Variants in ITGB4 observed in about 807,000 individuals in gnomAD.
The protein encoded by ITGB4 is integrin subunit beta 4.
ITGB4 carries 159 observed loss-of-function variants against 207.6 expected under a neutral mutation model. The observed-to-expected ratio is 0.77, with a 90% CI of 0.67 to 0.87. The LOEUF is 0.87. Among genes scored for constraint, ITGB4 ranks in the 40% least tolerant of loss-of-function variants. The pLI is 0.00. For missense variants in ITGB4, 2,278 were observed against 2,546.8 expected (o/e 0.89, Z 2.27); for synonymous variants, 1,020 against 1,062.7 (o/e 0.96, Z 0.78).
intron 12 of ITGB4, 102 bp from the exon 13 acceptor site, chr17:75,733,385 CAAA>C: frequency 1.2e-6 from 1 of 810,540 alleles, no homozygotes; most frequent in Non-Finnish European, 1.8e-6. Flanking sequence ...GACTCCGTCT[CAAA>C]AAAAAAAATA....
intron 26 of ITGB4, among the ~76,000 whole-genome samples, chr17:75,744,399 C>T (rs966436731): frequency 1.3e-5 from 2 of 150,790 alleles, no homozygotes; most frequent in East Asian, 2.0e-4. Context: ...GGATTACAGG[C>T]GTGAGCCACC....
intron 32 of ITGB4, 69 bp from the exon 33 acceptor site, chr17:75,753,696 T>C: frequency 1.8e-6 from 2 of 1,097,602 alleles, no homozygotes; most frequent in Non-Finnish European, 1.2e-6. Context: ...CCTACGGCCT[T>C]CCCCCGCCTG....
In ITGB4 at chr17:75,740,645, G is replaced by A; in HGVS notation, c.2551-148G>A. ...TCCAGAGGGCAGAAGGCCAGAGCCT[G>A]GGCCCAGGATGCTGCCCCACGGGGC... On this transcript the variant is annotated intron_variant, in intron 21 of 39. Coordinates refer to ENST00000200181, the MANE Select transcript of ITGB4 (RefSeq NM_000213.5). The surrounding 1 kb of genome is among the most constrained non-coding windows in gnomAD (Gnocchi z 5.9). The A allele has an allele frequency of 9.7e-7, 1 of 1,032,870 alleles. No individual in the cohort carries two copies. Among genetic ancestry groups the A allele is most frequent in the Non-Finnish European group, 1.5e-6 (1 of 671,640 alleles). 64.0% of individuals were successfully genotyped at this position (1,032,870 alleles called of 1,614,324 possible).
chr17:75,741,101 C>A, intron 23 of ITGB4, 96 bp downstream of exon 23: 1 of 1,391,940 alleles, frequency 7.2e-7, no homozygotes, highest in Non-Finnish European at 1.0e-6. Flanking sequence ...CATCTCCATC[C>A]CATAGGAAGG....
chr17:75,752,049 TTTGCC>T, intron 30 of ITGB4, 120 bp from the exon 31 acceptor site: 1 of 1,051,570 alleles, frequency 9.5e-7, no homozygotes, highest in Non-Finnish European at 1.5e-6. Flanking sequence ...AGTGGCTGGC[TTTGCC>T]TTGCTTCCCC....
At position 75,739,599 on chromosome 17, in the gene ITGB4, G is replaced by A. The variant is rs960655619; in HGVS notation, c.2221-73G>A. 1.7e-5 allele frequency: 27 copies of A among 1,547,536 alleles called. No individual in the cohort carries two copies. The highest frequency in any genetic ancestry group is 2.7e-5 in the African/African-American group (2 of 73,554). Reference sequence around the variant, plus strand: ...CCCCTCTTGACCATTGGCATGGGGCGGGGTGGCTGGAAGGGCTTACCTGGG... The same window carrying A: ...CCCCTCTTGACCATTGGCATGGGGCAGGGTGGCTGGAAGGGCTTACCTGGG... On this transcript the variant is annotated intron_variant, in intron 18 of 39. Transcript: ENST00000200181. This position sits in a 1 kb window ranked among gnomAD's most constrained non-coding sequence, Gnocchi z 5.4.
rs1020362694 is a variant in ITGB4, at chr17:75,722,757, C to G, written c.-11+1145C>G. Among the ~76,000 whole-genome samples, 30 of 135,164 alleles carry G rather than the reference C, an allele frequency of 2.2e-4. No homozygotes were observed. The highest frequency in any genetic ancestry group is 1.1e-3 in the Admixed American group (15 of 13,768). 88.7% of individuals were successfully genotyped at this position (135,164 alleles called of 152,430 possible). A position where few individuals can be genotyped will look rare whatever the true frequency, so the allele number is the denominator to read the frequency against. ...GAGCCTGTGGGTGGGTGGGCATGGCCTGTGTGTGTGTGTGTGTGTGTGTGT... is the reference window on the plus strand; with the variant it reads ...GAGCCTGTGGGTGGGTGGGCATGGCGTGTGTGTGTGTGTGTGTGTGTGTGT... On this transcript the variant is annotated intron_variant, in intron 1 of 39. Coordinates refer to ENST00000200181, the MANE Select transcript of ITGB4 (RefSeq NM_000213.5). The surrounding 1 kb of genome is among the most constrained non-coding windows in gnomAD (Gnocchi z 6.2).
intron 34 of ITGB4, chr17:75,755,154 G>A (rs751866424): frequency 1.9e-6 from 3 of 1,611,774 alleles, no homozygotes; most frequent in East Asian, 4.5e-5. Flanking sequence ...CCCCCTTCCA[G>A]GGGCCCACGA....
chr17:75,755,910 G>T, intron 35 of ITGB4, 60 bp downstream of exon 35: 1 of 1,559,820 alleles, frequency 6.4e-7, no homozygotes, highest in South Asian at 1.1e-5. Flanking sequence ...GCCCCAGTGT[G>T]ACACATAGGG....
chr17:75,741,839 T>A (rs919891136), intron 23 of ITGB4, among the ~76,000 whole-genome samples: 1 of 151,872 alleles, frequency 6.6e-6, no homozygotes, highest in Non-Finnish European at 1.5e-5. Flanking sequence ...GACCAGCATT[T>A]CTTATCCTGC....
intron 32 of ITGB4, 25 bp from the exon 33 acceptor site, chr17:75,753,740 A>G: frequency 7.2e-7 from 1 of 1,387,162 alleles, no homozygotes. Context: ...CGGCGGTGCC[A>G]ACGCGGCCCT....
Position 75,742,832 on chromosome 17 carries a change from G to A in ITGB4, c.2962+71G>A. 6.8e-7 allele frequency: 1 copy of A among 1,460,458 alleles called. No homozygotes were observed. Among genetic ancestry groups the A allele is most frequent in the Non-Finnish European group, 9.3e-7 (1 of 1,076,456 alleles). The allele number at this position is 1,460,458 out of a possible 1,614,324, so 90.5% of individuals were successfully genotyped here. A position where few individuals can be genotyped will look rare whatever the true frequency, so the allele number is the denominator to read the frequency against. ...GGCACTGGTTCCTCCTGCTTAAGTG[G>A]AATTGCGACCTGGCCACGTGGCCTG... On this transcript the variant is annotated intron_variant, in intron 25 of 39. Coordinates refer to ENST00000200181, the MANE Select transcript of ITGB4 (RefSeq NM_000213.5). The surrounding 1 kb of genome is among the most constrained non-coding windows in gnomAD (Gnocchi z 5.9).
rs1172323916 is a variant in ITGB4, at chr17:75,750,587, A to C, written c.3475-93A>C. On this transcript the variant is annotated intron_variant, in intron 28 of 39. Coordinates refer to ENST00000200181, the MANE Select transcript of ITGB4 (RefSeq NM_000213.5). The surrounding 1 kb of genome is among the most constrained non-coding windows in gnomAD (Gnocchi z 5.5). ...CCCCTCCCTCGGGCCTCATCTGTGC[A>C]AAGAGGACAGTAAGGGCAGAGGTCA... The C allele has an allele frequency of 2.5e-6, 3 of 1,176,558 alleles. No individual in the cohort carries two copies. The Admixed American group carries it at 5.8e-5, about 23-fold the overall frequency. The allele number at this position is 1,176,558 out of a possible 1,614,324, so 72.9% of individuals were successfully genotyped here. A position where few individuals can be genotyped will look rare whatever the true frequency, so the allele number is the denominator to read the frequency against.
Position 75,753,875 on chromosome 17 carries a change from T to C in ITGB4, c.4219T>C (p.Ser1407Pro). 2.2e-6 allele frequency: 3 copies of C among 1,339,764 alleles called. No homozygotes were observed. Among genetic ancestry groups the C allele is most frequent in the Middle Eastern group, 2.7e-4 (1 of 3,664 alleles). The allele number at this position is 1,339,764 out of a possible 1,614,324, so 83.0% of individuals were successfully genotyped here. The change falls in exon 33 of 40, where the codon TCC becomes CCC. Residue 1407 changes from serine to proline, a missense_variant. Physicochemically the swap from Ser to Pro is moderately conservative, Grantham distance 74 (BLOSUM62 -1). Transcript: ENST00000200181. ...GCGCCTGTCGGCCAGCAGCGGGCGC[T>C]CCTCCGACGCCGAGGCGCCCCACGG... ...IPRLSASSGR[S>P]SDAEAPHGPP...
Position 75,733,700 on chromosome 17 carries a change from C to T in ITGB4, c.1657+8C>T, listed in dbSNP as rs916722609. 3.7e-6 allele frequency: 6 copies of T among 1,613,456 alleles called. No individual in the cohort carries two copies. The highest frequency in any genetic ancestry group is 4.2e-6 in the Non-Finnish European group (5 of 1,179,732). ...CCGGGTTCCTCTGCAATGGTGAGCA[C>T]AACAACTGCGGCCAATGCTGATGGC... On this transcript the variant is annotated splice_region_variant and intron_variant, in intron 13 of 39. Transcript: ENST00000200181.
chr17:75,735,402 T>TTTTTC lies in ITGB4; in HGVS notation c.1658-639_1658-635dup, dbSNP rs1179221558. Among the ~76,000 whole-genome samples the TTTTTC allele has an allele frequency of 2.0e-3, 290 of 146,772 alleles. 1 individual carries two copies. Among genetic ancestry groups the TTTTTC allele is most frequent in the Non-Finnish European group, 2.6e-3 (173 of 66,682 alleles). On this transcript the variant is annotated intron_variant, in intron 13 of 39. Transcript: ENST00000200181. ...ACGCCCGGCTGACAGTTTTATTTCT[T>TTTTTC]TTTTCTTTTCTTTTTTTTTTTTTTT...
intron 23 of ITGB4, among the ~76,000 whole-genome samples, chr17:75,741,671 T>G (rs1297320753): frequency 6.6e-6 from 1 of 152,052 alleles, no homozygotes; most frequent in Non-Finnish European, 1.5e-5. Context: ...CCAGGTGTGT[T>G]GGTGGGCACC....
chr17:75,757,736 A>G lies in ITGB4; in HGVS notation c.*181A>G, dbSNP rs1220507576. 1 of 801,748 alleles carries G rather than the reference A, an allele frequency of 1.2e-6. No individual in the cohort carries two copies. The highest frequency in any genetic ancestry group is 2.0e-6 in the Non-Finnish European group (1 of 492,512). 49.7% of individuals were successfully genotyped at this position (801,748 alleles called of 1,614,324 possible). On this transcript the variant is annotated 3_prime_UTR_variant, in exon 40 of 40. Coordinates refer to ENST00000200181, the MANE Select transcript of ITGB4 (RefSeq NM_000213.5). ...GCAAGGTCCGTCCTCTGTGGGCCCAAACCTATTTGTAACCAAAGAGCTGGG... is the reference window on the plus strand; with the variant it reads ...GCAAGGTCCGTCCTCTGTGGGCCCAGACCTATTTGTAACCAAAGAGCTGGG...
At chr17:75,753,998 C>T in intron 33 of ITGB4, 24 bp downstream of exon 33, 7 of 1,031,042 alleles carry the variant, frequency 6.8e-6, no homozygotes, top group Non-Finnish European at 7.5e-6. Flanking sequence ...CCGCCGCCCC[C>T]CGATCCGCGC....
Sources: allele counts gnomAD v4.1 joint callset (sites outside exome capture counted in the v4.1 genomes callset), GRCh38; gene constraint gnomAD v4.1.1; non-coding constraint Gnocchi (gnomAD v3.1); transcripts MANE v1.5; gene names NCBI Gene and HGNC (gene_info 2026-07-23, HGNC 2026-07-21).